Variants in CMSS1 observed in about 807,000 individuals in gnomAD.
CMSS1 encodes cms1 ribosomal small subunit homolog.
Under a neutral mutation model 43.5 loss-of-function variants are expected in CMSS1, and 33 were observed. The observed-to-expected ratio is 0.76, with a 90% confidence interval of 0.57 to 1.01. CMSS1 has a LOEUF of 1.01. Ranked by LOEUF, CMSS1 falls within the 50% of genes least tolerant of loss-of-function variation. The probability of loss-of-function intolerance (pLI) is 0.00; values close to 1 mark genes in which losing one functional copy is unlikely to be tolerated. For synonymous variants in CMSS1, 115 were observed against 117.2 expected, an observed-to-expected ratio of 0.98 and a Z score of 0.12; for missense variants, 313 against 326.4, an observed-to-expected ratio of 0.96 and a Z score of 0.32.
chr3:100,086,088 TA>T (rs2066004017), intron 1 of CMSS1, among the ~76,000 whole-genome samples: 1 of 152,198 alleles, frequency 6.6e-6, no homozygotes, highest in Non-Finnish European at 1.5e-5. Flanking sequence ...CTCCAGGTAA[TA>T]AAATAGCTTT....
intron 1 of CMSS1, among the ~76,000 whole-genome samples, chr3:100,093,218 T>C (rs957741014): frequency 1.3e-5 from 2 of 152,282 alleles, no homozygotes; most frequent in Non-Finnish European, 2.9e-5. Flanking sequence ...TATACTGAGT[T>C]GAGCAGCTTA....
chr3:99,819,976 A>C (rs1942402256), intron 1 of CMSS1, among the ~76,000 whole-genome samples: 1 of 151,318 alleles, frequency 6.6e-6, no homozygotes, highest in Non-Finnish European at 1.5e-5. Context: ...GCTGGTCTTG[A>C]TCTCTTGACC....
intron 1 of CMSS1, among the ~76,000 whole-genome samples, chr3:99,996,591 C>G (rs1233065784): frequency 6.6e-6 from 1 of 152,062 alleles, no homozygotes; most frequent in East Asian, 1.9e-4. Context: ...ATACCCAAGA[C>G]TGGGAAGAAA....
chr3:99,976,851 C>G (rs539377032), intron 1 of CMSS1, among the ~76,000 whole-genome samples: 2 of 152,094 alleles, frequency 1.3e-5, no homozygotes, highest in South Asian at 4.2e-4. Context: ...GTTCTTTCCT[C>G]CTGTTCAGTT....
chr3:99,873,224 T>C (rs1046652580), intron 1 of CMSS1, among the ~76,000 whole-genome samples: 5 of 152,252 alleles, frequency 3.3e-5, no homozygotes, highest in Non-Finnish European at 5.9e-5. Context: ...TATTTAAATA[T>C]AATTTACAAA....
chr3:99,853,566 T>TA (rs1943810475), intron 1 of CMSS1, among the ~76,000 whole-genome samples: 2 of 152,344 alleles, frequency 1.3e-5, no homozygotes, highest in African/African-American at 4.8e-5. Context: ...TCCATTTTGT[T>TA]CAGTGTTTTT....
intron 1 of CMSS1, chr3:99,849,844 G>A (rs1018798337): frequency 3.7e-6 from 6 of 1,610,776 alleles, no homozygotes; most frequent in Admixed American, 3.4e-5. Flanking sequence ...GGATTTCCCA[G>A]AGTCTTGATT....
intron 1 of CMSS1, among the ~76,000 whole-genome samples, chr3:100,045,026 T>C (rs564908683): frequency 1.3e-5 from 2 of 152,350 alleles, no homozygotes; most frequent in African/African-American, 4.8e-5. Flanking sequence ...TAAGCTCAGT[T>C]TGGAACATGT....
intron 1 of CMSS1, among the ~76,000 whole-genome samples, chr3:99,888,590 G>A (rs1705983162): frequency 6.6e-6 from 1 of 152,122 alleles, no homozygotes; most frequent in Non-Finnish European, 1.5e-5. Context: ...ACTGAAAATA[G>A]AGAGAGGCTC....
intron 1 of CMSS1, among the ~76,000 whole-genome samples, chr3:99,945,167 C>T (rs1475758321): frequency 2.0e-5 from 3 of 152,150 alleles, no homozygotes; most frequent in East Asian, 1.9e-4. Context: ...CCTATGAGTT[C>T]GGGTTAAGTC....
At chr3:100,118,842 A>C (rs1193754362) in intron 1 of CMSS1, among the ~76,000 whole-genome samples, 1 of 152,226 alleles carries the variant, frequency 6.6e-6, no homozygotes, top group Non-Finnish European at 1.5e-5. Flanking sequence ...CAGATAACTG[A>C]AAGAATTGTG....
At chr3:99,930,089 G>A in intron 1 of CMSS1, 1 of 1,374,830 alleles carries the variant, frequency 7.3e-7, no homozygotes, top group South Asian at 1.5e-5. Context: ...CTCAGCAAGT[G>A]ATTTTTGTGA....
rs544392485 is a variant in CMSS1, at chr3:99,931,730, A to G, written c.64+113687A>G. 2.6e-5 allele frequency among the ~76,000 whole-genome samples: 4 copies of G among 152,306 alleles called. No homozygotes were observed. In the South Asian group the frequency reaches 8.3e-4, roughly 32 times the overall value. On this transcript the variant is annotated intron_variant, in intron 1 of 9. Coordinates refer to ENST00000421999, the MANE Select transcript of CMSS1 (RefSeq NM_032359.4). Reference sequence around the variant, plus strand: ...TCATCTTCAAAGCGGAGATACTACTACCTAACGTAGTTGGCCATTCTGGAA... The same window carrying G: ...TCATCTTCAAAGCGGAGATACTACTGCCTAACGTAGTTGGCCATTCTGGAA...
At chr3:100,001,599 G>A (rs538941528) in intron 1 of CMSS1, among the ~76,000 whole-genome samples, 1 of 152,290 alleles carries the variant, frequency 6.6e-6, no homozygotes, top group South Asian at 2.1e-4. Flanking sequence ...ACAGGGTGGG[G>A]AGGGAGTGGG....
chr3:99,875,326 A>G (rs1705456642), intron 1 of CMSS1, among the ~76,000 whole-genome samples: 1 of 152,200 alleles, frequency 6.6e-6, no homozygotes, highest in African/African-American at 2.4e-5. Flanking sequence ...TGATTAATAC[A>G]GTTACTCTAT....
Position 100,106,264 on chromosome 3 carries a change from T to C in CMSS1, c.65-40709T>C, listed in dbSNP as rs920667041. 4.6e-5 allele frequency among the ~76,000 whole-genome samples: 7 copies of C among 152,236 alleles called. No individual in the cohort carries two copies. The South Asian group carries it at 1.5e-3, about 32-fold the overall frequency. Reference sequence around the variant, plus strand: ...GCAAGCTTCCAGCTGTGGAATACTCTCCAGGGATTTACACTTGCAGATGAT... The same window carrying C: ...GCAAGCTTCCAGCTGTGGAATACTCCCCAGGGATTTACACTTGCAGATGAT... On this transcript the variant is annotated intron_variant, in intron 1 of 9. Coordinates refer to ENST00000421999, the MANE Select transcript of CMSS1 (RefSeq NM_032359.4).
chr3:99,974,097 C>G (rs997444489), intron 1 of CMSS1, among the ~76,000 whole-genome samples: 4 of 152,126 alleles, frequency 2.6e-5, no homozygotes, highest in African/African-American at 9.7e-5. Context: ...AACTATGTTT[C>G]TTTTTAATGG....
intron 1 of CMSS1, among the ~76,000 whole-genome samples, chr3:99,996,673 G>A (rs762246825): frequency 6.6e-5 from 10 of 152,090 alleles, no homozygotes; most frequent in Non-Finnish European, 1.0e-4. Flanking sequence ...GGCAAAAGGC[G>A]CTTCTTACAT....
intron 1 of CMSS1, among the ~76,000 whole-genome samples, chr3:100,000,657 G>A (rs1290281009): frequency 6.6e-6 from 1 of 152,312 alleles, no homozygotes; most frequent in South Asian, 2.1e-4. Context: ...CAAGGCCAGA[G>A]TGAGCTATGA....
Sources: allele counts gnomAD v4.1 joint callset (sites outside exome capture counted in the v4.1 genomes callset), GRCh38; gene constraint gnomAD v4.1.1; transcripts MANE v1.5; gene names NCBI Gene and HGNC (gene_info 2026-07-23, HGNC 2026-07-21).